The following OSBP2 variants were observed in gnomAD, a reference collection of about 807,000 sequenced individuals.
OSBP2 encodes oxysterol-binding protein 2.
OSBP2 carries 66 observed loss-of-function variants against 96.0 expected under a neutral mutation model. The observed-to-expected ratio is 0.69, with a 90% confidence interval of 0.56 to 0.84. The LOEUF (loss-of-function observed/expected upper bound fraction) is 0.84, where lower values mean the gene tolerates loss of function less well. Ranked by LOEUF, OSBP2 falls within the 40% of genes least tolerant of loss-of-function variation. The pLI is 0.00. For missense variants in OSBP2, 1,038 were observed against 1,222.7 expected (o/e 0.85, Z 2.25); for synonymous variants, 525 against 520.9 (o/e 1.01, Z -0.11).
intron 2 of OSBP2, among the ~76,000 whole-genome samples, chr22:30,843,032 C>A (rs1382466067): frequency 6.6e-6 from 1 of 152,208 alleles, no homozygotes; most frequent in Non-Finnish European, 1.5e-5. Flanking sequence ...GATCCACCCA[C>A]CTCAGCCTCC....
At chr22:30,723,557 G>T (rs1206146288) in intron 1 of OSBP2, among the ~76,000 whole-genome samples, 1 of 151,878 alleles carries the variant, frequency 6.6e-6, no homozygotes, top group African/African-American at 2.4e-5. Flanking sequence ...AGGATTACTG[G>T]CGTGTGCCAC....
intron 2 of OSBP2, among the ~76,000 whole-genome samples, chr22:30,755,197 C>T (rs2090125879): frequency 6.6e-6 from 1 of 152,206 alleles, no homozygotes; most frequent in South Asian, 2.1e-4. Flanking sequence ...TCATGCTTTA[C>T]ACCCACTGGG....
intron 2 of OSBP2, among the ~76,000 whole-genome samples, chr22:30,759,935 C>T (rs987359321): frequency 2.0e-5 from 3 of 151,720 alleles, no homozygotes; most frequent in African/African-American, 7.3e-5. Context: ...AGTCTTGGCT[C>T]ACTGCAACCT....
chr22:30,747,156 T>C (rs1248591566), intron 2 of OSBP2, among the ~76,000 whole-genome samples: 4 of 152,152 alleles, frequency 2.6e-5, no homozygotes, highest in African/African-American at 4.8e-5. Context: ...AAGCTAGGAA[T>C]AGAACAGGTA....
At chr22:30,806,978 GAAAT>G (rs1262044140) in intron 2 of OSBP2, among the ~76,000 whole-genome samples, 3 of 152,184 alleles carry the variant, frequency 2.0e-5, no homozygotes, top group African/African-American at 7.2e-5. Flanking sequence ...TCCAGGCATT[GAAAT>G]AAAAAGATGC....
chr22:30,694,420 T>C (rs2088981355), upstream of OSBP2: 1 of 1,433,834 alleles, frequency 7.0e-7, no homozygotes, highest in Non-Finnish European at 9.1e-7. Flanking sequence ...TTTCGTGGCC[T>C]CTGGGTGCCG....
At chr22:30,751,115 A>G (rs2090069008) in intron 2 of OSBP2, among the ~76,000 whole-genome samples, 1 of 152,140 alleles carries the variant, frequency 6.6e-6, no homozygotes, top group East Asian at 1.9e-4. Flanking sequence ...AACCCTGCCC[A>G]CTTCAAGTTG....
chr22:30,894,079 C>T, intron 12 of OSBP2, 78 bp downstream of exon 12: 3 of 1,327,928 alleles, frequency 2.3e-6, no homozygotes, highest in South Asian at 2.7e-5. Flanking sequence ...AACTGACAGG[C>T]ACAGGAGGTC....
In OSBP2 at chr22:30,893,115, G is replaced by C. The variant is rs1165239047; in HGVS notation, c.1870-7G>C. The stretch of plus-strand genomic sequence containing the variant: ...CAGATGCTCACATCCTATGGGTCTG[G>C]TCTCAGGTGAGCCACCACCCCCCCT... On this transcript the variant is annotated splice_polypyrimidine_tract_variant and splice_region_variant and intron_variant, in intron 8 of 13. Coordinates refer to ENST00000332585, the MANE Select transcript of OSBP2 (RefSeq NM_030758.4). The C allele has an allele frequency of 3.1e-6, 5 of 1,613,710 alleles. No homozygotes were observed. The highest frequency in any genetic ancestry group is 4.2e-6 in the Non-Finnish European group (5 of 1,179,926).
At chr22:30,831,810 T>TGG (rs1464448858) in intron 2 of OSBP2, among the ~76,000 whole-genome samples, 1 of 152,142 alleles carries the variant, frequency 6.6e-6, no homozygotes, top group Non-Finnish European at 1.5e-5. Flanking sequence ...GAGAGTCTGA[T>TGG]GGGAGGCCAC....
chr22:30,756,612 G>A (rs1451639768), intron 2 of OSBP2, among the ~76,000 whole-genome samples: 1 of 152,154 alleles, frequency 6.6e-6, no homozygotes, highest in Non-Finnish European at 1.5e-5. Flanking sequence ...AGAATCGTTC[G>A]AACCCGGGAG....
intron 2 of OSBP2, among the ~76,000 whole-genome samples, chr22:30,809,961 A>G (rs149870174): frequency 7.2e-4 from 109 of 152,210 alleles, no homozygotes; most frequent in Middle Eastern, 3.4e-3. Flanking sequence ...TGGAGAGGGA[A>G]AAGTTATGAT....
chr22:30,726,142 T>C (rs2089647148), intron 1 of OSBP2, among the ~76,000 whole-genome samples: 1 of 152,154 alleles, frequency 6.6e-6, no homozygotes, highest in Non-Finnish European at 1.5e-5. Flanking sequence ...GTTGTATTGA[T>C]AGGAATGCTG....
At chr22:30,898,281 A>T (rs1158086343) in intron 12 of OSBP2, among the ~76,000 whole-genome samples, 1 of 152,040 alleles carries the variant, frequency 6.6e-6, no homozygotes, top group Admixed American at 6.6e-5. Context: ...TGAGCCCAGG[A>T]GGTCGAGGCT....
intron 2 of OSBP2, among the ~76,000 whole-genome samples, chr22:30,865,631 CAAAAAAAAA>C (rs398040482): frequency 3.3e-5 from 2 of 59,896 alleles, no homozygotes; most frequent in African/African-American, 8.6e-5. Flanking sequence ...GACTCCATCT[CAAAAAAAAA>C]AAAAAAAAAA....
intron 3 of OSBP2, among the ~76,000 whole-genome samples, chr22:30,878,436 G>C (rs1257396429): frequency 6.6e-6 from 1 of 152,188 alleles, no homozygotes; most frequent in Middle Eastern, 3.2e-3. Flanking sequence ...TGAGAAAAGA[G>C]GCCATGGGGA....
At chr22:30,733,511 C>T (rs2089810104) in intron 1 of OSBP2, among the ~76,000 whole-genome samples, 1 of 152,160 alleles carries the variant, frequency 6.6e-6, no homozygotes, top group Non-Finnish European at 1.5e-5. Context: ...TTGCAAAAAT[C>T]CAGCTTGTCG....
chr22:30,843,873 ATTT>A (rs760334311), intron 2 of OSBP2, among the ~76,000 whole-genome samples: 11 of 139,566 alleles, frequency 7.9e-5, no homozygotes, highest in Admixed American at 2.2e-4. Flanking sequence ...GTCTCAAACA[ATTT>A]TTTTTTTTTT....
chr22:30,840,372 C>A (rs2038727672), intron 2 of OSBP2, among the ~76,000 whole-genome samples: 1 of 151,350 alleles, frequency 6.6e-6, no homozygotes, highest in South Asian at 2.1e-4. Context: ...ACACCTTACA[C>A]CCTCAAGGTT....
Sources: allele counts gnomAD v4.1 joint callset (sites outside exome capture counted in the v4.1 genomes callset), GRCh38; gene constraint gnomAD v4.1.1; transcripts MANE v1.5; gene names NCBI Gene and HGNC (gene_info 2026-07-23, HGNC 2026-07-21).